SECISBP2: variants seen among roughly 807,000 people sequenced by gnomAD.
SECISBP2 encodes selenocysteine insertion sequence-binding protein 2.
In SECISBP2, 96 loss-of-function variants were observed where a neutral mutation model predicts 98.2. The observed-to-expected ratio is 0.98, with a 90% confidence interval of 0.83 to 1.16. SECISBP2 has a LOEUF of 1.16. Ranked by LOEUF, SECISBP2 falls within the 50% of genes most tolerant of loss-of-function variation. The probability of loss-of-function intolerance (pLI) is 0.00; values close to 1 mark genes in which losing one functional copy is unlikely to be tolerated. For synonymous variants in SECISBP2, 407 were observed against 370.2 expected (o/e 1.10, Z -1.14); for missense variants, 1,046 against 1,022.9 (o/e 1.02, Z -0.31).
intron 2 of SECISBP2, among the ~76,000 whole-genome samples, chr9:89,321,588 C>CCCAGGAGATGGAGGTTGCAGTGAG (rs558299857): frequency 2.2e-4 from 33 of 152,198 alleles, no homozygotes; most frequent in African/African-American, 7.5e-4. Flanking sequence ...ATTGCTTGAA[C>CCCAGGAGATGGAGGTTGCAGTGAG]CCAGGAGATG....
chr9:89,349,677 C>A, intron 12 of SECISBP2, 99 bp from the exon 13 acceptor site: 2 of 1,249,454 alleles, frequency 1.6e-6, no homozygotes, highest in Non-Finnish European at 2.4e-6. Context: ...TGGTTGTGTG[C>A]AGGGGTCTGG....
intron 11 of SECISBP2, among the ~76,000 whole-genome samples, chr9:89,347,768 A>C (rs1335498192): frequency 6.6e-6 from 1 of 152,158 alleles, no homozygotes; most frequent in Non-Finnish European, 1.5e-5. Flanking sequence ...CATCACGCCC[A>C]GCCTCCCTCC....
At chr9:89,346,465 A>G (rs79942489) in intron 10 of SECISBP2, among the ~76,000 whole-genome samples, 3,766 of 152,300 alleles carry the variant, frequency 0.025, 160 homozygotes, top group East Asian at 0.16. Context: ...GCCAGCTTCC[A>G]CAAAGGCAGT....
rs1829402676 is a variant in SECISBP2 at position 89,339,916 on chromosome 9, T to C, written c.1265T>C (p.Ile422Thr). Residue 422 changes from isoleucine to threonine, a missense_variant, in exon 9 of 17, where the codon ATA (isoleucine) becomes ACA (threonine). Ile to Thr is a moderately conservative substitution (Grantham distance 89). Transcript: ENST00000375807. ...GTTGCATCTGAAAGAAGAGACAGAA[T>C]AGAGACACCGAAATTTCAATCTAAG... ...LAVASERRDR[I>T]ETPKFQSKQQ... 8 of 1,613,768 alleles carry C rather than the reference T, an allele frequency of 5.0e-6. No homozygotes were observed. The highest frequency in any genetic ancestry group is 6.8e-6 in the Non-Finnish European group (8 of 1,179,762).
intron 4 of SECISBP2, among the ~76,000 whole-genome samples, chr9:89,326,998 T>G (rs1484703275): frequency 6.6e-6 from 1 of 152,022 alleles, no homozygotes; most frequent in Non-Finnish European, 1.5e-5. Context: ...CCGTCTCAAC[T>G]GAAAATACAA....
chr9:89,356,691 G>C (rs1181325864), intron 14 of SECISBP2: 1 of 151,992 alleles, frequency 6.6e-6, no homozygotes, highest in Admixed American at 6.5e-5. Context: ...CTGGTATTGC[G>C]TTCTTTAACA....
At chr9:89,350,951 C>T (rs1304360832) in intron 14 of SECISBP2, 99 bp downstream of exon 14, 1 of 950,074 alleles carries the variant, frequency 1.1e-6, no homozygotes. Context: ...TGCCACAGGT[C>T]TTGACAACTC....
chr9:89,326,675 G>A (rs1360530854), intron 4 of SECISBP2, among the ~76,000 whole-genome samples: 2 of 152,222 alleles, frequency 1.3e-5, no homozygotes, highest in Non-Finnish European at 2.9e-5. Context: ...GACACATTCT[G>A]AGAAATGTGC....
chr9:89,343,084 T>C (rs1829897960), intron 10 of SECISBP2, among the ~76,000 whole-genome samples: 1 of 152,210 alleles, frequency 6.6e-6, no homozygotes, highest in South Asian at 2.1e-4. Flanking sequence ...CTTTACTGTC[T>C]GGGTGAGGAA....
At position 89,325,886 on chromosome 9, in the gene SECISBP2, C is replaced by A. The variant is rs1483908071; in HGVS notation, c.433-11C>A. 2 of 1,613,616 alleles carry A rather than the reference C, an allele frequency of 1.2e-6. No homozygotes were observed. The highest frequency in any genetic ancestry group is 3.3e-4 in the Middle Eastern group (2 of 6,010). The stretch of plus-strand genomic sequence containing the variant: ...GTTTTATTTCATGTTGCTTTTTAAT[C>A]TTTCCTGCAGAAGAAAACCTATGAT... On this transcript the variant is annotated splice_polypyrimidine_tract_variant and intron_variant, in intron 3 of 16. Transcript: ENST00000375807.
chr9:89,364,124 G>GGAGCCT (rs1297360808), downstream of SECISBP2: 19 of 1,392,450 alleles, frequency 1.4e-5, no homozygotes, highest in African/African-American at 2.7e-4. Context: ...ATGGCCAGCG[G>GGAGCCT]GAGCCTTGGC....
chr9:89,349,071 T>C (rs1345690684), intron 12 of SECISBP2, among the ~76,000 whole-genome samples: 1 of 152,232 alleles, frequency 6.6e-6, no homozygotes, highest in African/African-American at 2.4e-5. Context: ...CTGACTGTTC[T>C]ACCAGTTACA....
intron 10 of SECISBP2, among the ~76,000 whole-genome samples, chr9:89,345,030 G>A (rs1421348691): frequency 6.6e-6 from 1 of 152,206 alleles, no homozygotes; most frequent in Non-Finnish European, 1.5e-5. Context: ...TTTGGTATTA[G>A]TGACACAAGC....
chr9:89,326,922 G>T (rs1826805776), intron 4 of SECISBP2, among the ~76,000 whole-genome samples: 1 of 152,164 alleles, frequency 6.6e-6, no homozygotes, highest in Non-Finnish European at 1.5e-5. Flanking sequence ...CAGCACTTTG[G>T]GAGTCCGAGA....
chr9:89,319,437 C>A (rs567071770), intron 1 of SECISBP2, among the ~76,000 whole-genome samples: 3 of 151,884 alleles, frequency 2.0e-5, no homozygotes, highest in African/African-American at 7.2e-5. Flanking sequence ...TGTCATTTTT[C>A]ACTTTTAATG....
In SECISBP2 at chr9:89,347,862, C is replaced by G. The variant is rs118095645; in HGVS notation, c.1603-217C>G. On this transcript the variant is annotated intron_variant, in intron 11 of 16. Transcript: ENST00000375807. ...TTGTCTTTAGAGCTCAGGGCTCTCCCCTGTGGCTGCTCTGCATACCTTGGG... is the reference window on the plus strand; with the variant it reads ...TTGTCTTTAGAGCTCAGGGCTCTCCGCTGTGGCTGCTCTGCATACCTTGGG... 3.0e-3 allele frequency among the ~76,000 whole-genome samples: 464 copies of G among 152,256 alleles called. 4 individuals carry two copies. Among genetic ancestry groups the G allele is most frequent in the Non-Finnish European group, 5.4e-3 (365 of 68,014 alleles).
chr9:89,336,410 T>G (rs1000878994), intron 7 of SECISBP2, among the ~76,000 whole-genome samples: 5 of 152,108 alleles, frequency 3.3e-5, no homozygotes, highest in African/African-American at 9.7e-5. Flanking sequence ...TAAATATGGT[T>G]GTTGATTTTC....
chr9:89,328,521 A>G, intron 4 of SECISBP2, 139 bp from the exon 5 acceptor site: 1 of 701,034 alleles, frequency 1.4e-6, no homozygotes, highest in East Asian at 2.7e-5. Context: ...GGTGAACAAC[A>G]CCGGTAAGAG....
At chr9:89,358,661 T>C in intron 16 of SECISBP2, 60 bp from the exon 17 acceptor site, 1 of 1,137,236 alleles carries the variant, frequency 8.8e-7, no homozygotes, top group Non-Finnish European at 1.3e-6. Flanking sequence ...CTGGTTTTCT[T>C]ACAGGAGTTT....
Sources: allele counts gnomAD v4.1 joint callset (sites outside exome capture counted in the v4.1 genomes callset), GRCh38; gene constraint gnomAD v4.1.1; transcripts MANE v1.5; gene names NCBI Gene and HGNC (gene_info 2026-07-23, HGNC 2026-07-21).